Variants in FUT9 observed in about 807,000 individuals in gnomAD.
FUT9 encodes fucosyltransferase 9, also known as 4-galactosyl-N-acetylglucosaminide 3-alpha-L-fucosyltransferase 9.
In FUT9, 15 loss-of-function variants were observed where a neutral mutation model predicts 29.7. That is an observed-to-expected ratio of 0.51 (90% CI 0.34 to 0.78). The LOEUF is 0.78. FUT9 is among the 30% of genes least tolerant of loss of function. The pLI, the probability that FUT9 is intolerant of heterozygous loss-of-function variation, is 0.01. For synonymous variants in FUT9, 169 were observed against 153.7 expected, an observed-to-expected ratio of 1.10 and a Z score of -0.74; for missense variants, 319 against 425.4, an observed-to-expected ratio of 0.75 and a Z score of 2.20.
At chr6:96,070,457 G>T (rs765916869) in intron 1 of FUT9, among the ~76,000 whole-genome samples, 1 of 152,114 alleles carries the variant, frequency 6.6e-6, no homozygotes. Flanking sequence ...AGGCCAAGGT[G>T]GCAGGATCGC....
intron 1 of FUT9, among the ~76,000 whole-genome samples, chr6:96,113,612 T>C (rs1366278577): frequency 6.6e-6 from 1 of 150,920 alleles, no homozygotes; most frequent in Non-Finnish European, 1.5e-5. Flanking sequence ...TCCCAGCACT[T>C]TGGGAGGCCG....
At chr6:96,182,280 C>T (rs1345366497) in intron 2 of FUT9, among the ~76,000 whole-genome samples, 2 of 151,468 alleles carry the variant, frequency 1.3e-5, no homozygotes, top group Admixed American at 1.3e-4. Context: ...TTGTTTTTTT[C>T]TTGCTAATTT....
chr6:96,172,177 G>A (rs9390973), intron 2 of FUT9, among the ~76,000 whole-genome samples: 25,687 of 151,998 alleles, frequency 0.17, 2,495 homozygotes, highest in East Asian at 0.24. Context: ...CTATTTATGG[G>A]AGAGGGGGCT....
intron 1 of FUT9, among the ~76,000 whole-genome samples, chr6:96,082,784 A>G (rs1771258389): frequency 6.6e-6 from 1 of 152,018 alleles, no homozygotes; most frequent in South Asian, 2.1e-4. Flanking sequence ...AACATGTTAT[A>G]CTTCTCCAAC....
At chr6:96,034,711 T>A (rs541239093) in intron 1 of FUT9, among the ~76,000 whole-genome samples, 1 of 151,780 alleles carries the variant, frequency 6.6e-6, no homozygotes, top group East Asian at 1.9e-4. Flanking sequence ...ACCTACATCC[T>A]TATACCCTAA....
intron 2 of FUT9, among the ~76,000 whole-genome samples, chr6:96,149,105 G>A (rs1231765286): frequency 1.3e-5 from 2 of 151,744 alleles, no homozygotes; most frequent in East Asian, 1.9e-4. Context: ...GCAGTGAGCC[G>A]TGAGCCAAGA....
At chr6:96,191,522 G>C (rs6930441) in intron 2 of FUT9, among the ~76,000 whole-genome samples, 138,937 of 152,232 alleles carry the variant, frequency 0.91, 64,753 homozygotes, top group Non-Finnish European at 1. Flanking sequence ...CCTCCCAAGA[G>C]TAAACCAGGA....
chr6:96,185,290 C>A (rs1309366284), intron 2 of FUT9, among the ~76,000 whole-genome samples: 1 of 151,700 alleles, frequency 6.6e-6, no homozygotes, highest in Non-Finnish European at 1.5e-5. Flanking sequence ...TGATATAAGC[C>A]TAAACAATGA....
At chr6:96,083,906 C>CTATTTCTTGAGTGTCTTCA (rs1771277557) in intron 1 of FUT9, among the ~76,000 whole-genome samples, 2 of 151,808 alleles carry the variant, frequency 1.3e-5, no homozygotes, top group African/African-American at 2.4e-5. Context: ...GAGTGTCTTC[C>CTATTTCTTGAGTGTCTTCA]AGACTATTTC....
At chr6:96,046,754 T>C (rs1369137034) in intron 1 of FUT9, among the ~76,000 whole-genome samples, 1 of 152,210 alleles carries the variant, frequency 6.6e-6, no homozygotes, top group African/African-American at 2.4e-5. Context: ...ATGTTTTATC[T>C]ATCATATATG....
At chr6:96,164,094 C>T (rs1187370384) in intron 2 of FUT9, among the ~76,000 whole-genome samples, 1 of 152,024 alleles carries the variant, frequency 6.6e-6, no homozygotes, top group East Asian at 1.9e-4. Flanking sequence ...TGCAGAACCT[C>T]AGTGCAACTC....
intron 2 of FUT9, among the ~76,000 whole-genome samples, chr6:96,128,670 C>CACG (rs1772176919): frequency 6.6e-6 from 1 of 152,090 alleles, no homozygotes; most frequent in African/African-American, 2.4e-5. Flanking sequence ...AAGAAGCCTT[C>CACG]ACCAAAATGT....
At chr6:96,029,127 G>A (rs1417139234) in intron 1 of FUT9, among the ~76,000 whole-genome samples, 2 of 151,588 alleles carry the variant, frequency 1.3e-5, no homozygotes, top group African/African-American at 2.4e-5. Flanking sequence ...TGGGGATAGT[G>A]TCATATGTGG....
At chr6:96,127,693 T>C (rs1286214851) in intron 2 of FUT9, among the ~76,000 whole-genome samples, 2 of 152,162 alleles carry the variant, frequency 1.3e-5, no homozygotes, top group African/African-American at 4.8e-5. Flanking sequence ...TGCCAGCATC[T>C]GTTATTTTTT....
intron 2 of FUT9, among the ~76,000 whole-genome samples, chr6:96,154,820 T>C (rs577517484): frequency 6.6e-6 from 1 of 152,362 alleles, no homozygotes; most frequent in South Asian, 2.1e-4. Context: ...AAGTATTTCA[T>C]GTGAACACTT....
chr6:96,021,896 T>A (rs1434996275), intron 1 of FUT9, among the ~76,000 whole-genome samples: 6 of 152,076 alleles, frequency 3.9e-5, no homozygotes, highest in Non-Finnish European at 8.8e-5. Context: ...AGGAATAGCT[T>A]ACGCCCATGA....
intron 2 of FUT9, among the ~76,000 whole-genome samples, chr6:96,191,717 C>T (rs1271552640): frequency 6.6e-6 from 1 of 152,152 alleles, no homozygotes; most frequent in Non-Finnish European, 1.5e-5. Context: ...GGGAATCCTC[C>T]CTAACTCATT....
At chr6:96,131,596 C>G (rs116244219) in intron 2 of FUT9, among the ~76,000 whole-genome samples, 1 of 152,210 alleles carries the variant, frequency 6.6e-6, no homozygotes, top group African/African-American at 2.4e-5. Flanking sequence ...TGCTTCTAGA[C>G]CTTCAGAGGA....
At position 96,213,417 on chromosome 6, in the gene FUT9, G is replaced by T. The variant is rs1176473174; in HGVS notation, c.*9182G>T. 1.2e-5 allele frequency: 2 copies of T among 166,960 alleles called. No homozygotes were observed. The highest frequency in any genetic ancestry group is 4.8e-5 in the African/African-American group (2 of 41,538). The allele number at this position is 166,960 out of a possible 1,614,324, so 10.3% of individuals were successfully genotyped here. On this transcript the variant is annotated 3_prime_UTR_variant, in exon 3 of 3. Coordinates refer to ENST00000302103, the MANE Select transcript of FUT9 (RefSeq NM_006581.4). ...GACAATTCTAGCCATTATGTGAATT[G>T]TAAGGGTCAGTAATCCATAAATTAT...
Sources: allele counts gnomAD v4.1 joint callset (sites outside exome capture counted in the v4.1 genomes callset), GRCh38; gene constraint gnomAD v4.1.1; transcripts MANE v1.5; gene names NCBI Gene and HGNC (gene_info 2026-07-23, HGNC 2026-07-21).